The following DNAH3 variants were observed in gnomAD, a reference collection of about 807,000 sequenced individuals.
DNAH3 encodes axonemal beta dynein heavy chain 3.
Under a neutral mutation model 432.5 loss-of-function variants are expected in DNAH3, and 332 were observed. That is an observed-to-expected ratio of 0.77 (90% confidence interval 0.70 to 0.84). The LOEUF is 0.84. DNAH3 is among the 40% of genes least tolerant of loss of function. The pLI, the probability that DNAH3 is intolerant of heterozygous loss-of-function variation, is 0.00. For missense variants in DNAH3, 4,861 were observed against 5,114.0 expected, an observed-to-expected ratio of 0.95 and a Z score of 1.51; for synonymous variants, 1,956 against 1,900.2, an observed-to-expected ratio of 1.03 and a Z score of -0.76.
At chr16:20,933,132 T>C in exon 62 of DNAH3, 1 of 1,589,786 alleles carries the variant, frequency 6.3e-7, no homozygotes, top group Non-Finnish European at 8.6e-7. Context: ...GCTTTTTATT[T>C]TCTGTCTTGA....
At chr16:21,072,642 A>G (rs1466094034) in intron 21 of DNAH3, among the ~76,000 whole-genome samples, 10 of 151,036 alleles carry the variant, frequency 6.6e-5, no homozygotes, top group African/African-American at 1.2e-4. Context: ...GGCTTGTTTT[A>G]TACATTTATT....
intron 51 of DNAH3, among the ~76,000 whole-genome samples, chr16:20,971,243 T>C (rs2152638189): frequency 6.6e-6 from 1 of 152,184 alleles, no homozygotes; most frequent in East Asian, 1.9e-4. Flanking sequence ...TTTGTCTCCA[T>C]ATAAAGAAAC....
intron 61 of DNAH3, among the ~76,000 whole-genome samples, chr16:20,933,939 A>G (rs537846504): frequency 5.3e-5 from 8 of 152,352 alleles, no homozygotes; most frequent in African/African-American, 1.9e-4. Flanking sequence ...GACTTCCACC[A>G]TGGTCAATTT....
chr16:20,945,343 ACTT>A (rs1292850313), intron 57 of DNAH3, among the ~76,000 whole-genome samples: 1 of 152,170 alleles, frequency 6.6e-6, no homozygotes, highest in Non-Finnish European at 1.5e-5. Context: ...AGGAACCCTC[ACTT>A]CTTGGAATTG....
rs146155942 is a variant in DNAH3, at chr16:20,970,048, G to A, written c.8260-58C>T. 1,458 of 1,500,796 alleles carry A rather than the reference G, an allele frequency of 9.7e-4. 1 individual carries two copies. The highest frequency in any genetic ancestry group is 1.3e-3 in the Non-Finnish European group (1,361 of 1,082,386). 93.0% of individuals were successfully genotyped at this position (1,500,796 alleles called of 1,614,324 possible). A position where few individuals can be genotyped will look rare whatever the true frequency, so the allele number is the denominator to read the frequency against. ...GCCCAGGGCCTGGCACAATGGGGGC[G>A]AAGCAGAGCTCCACTCCTACATGAG... On this transcript the variant is annotated intron_variant, in intron 51 of 61. Transcript: ENST00000261383.
chr16:21,054,917 G>A (rs941611031), intron 27 of DNAH3, among the ~76,000 whole-genome samples: 1 of 151,962 alleles, frequency 6.6e-6, no homozygotes, highest in African/African-American at 2.4e-5. Flanking sequence ...GATTGTGATG[G>A]CCTACACAAA....
intron 57 of DNAH3, 74 bp from the exon 58 acceptor site, chr16:20,944,737 C>T: frequency 7.0e-7 from 1 of 1,433,316 alleles, no homozygotes. Context: ...CTTAGCAGAA[C>T]CCAATCAGAA....
chr16:21,136,508 G>GT lies in DNAH3; in HGVS notation c.701dup (p.Tyr234Ter), dbSNP rs1286686961. The change falls in exon 6 of 62, where the codon TAC becomes TAAC. Residue 234 changes from tyrosine (Y) to a stop codon, truncating the protein, a stop_gained and frameshift_variant. Transcript: ENST00000261383. LOFTEE classifies it high-confidence loss of function. The stretch of plus-strand genomic sequence containing the variant: ...GAATTCCATTGGTCAGATAGTAATA[G>GT]TATCTCTTCCATAAACAAACCACCA... The GT allele has an allele frequency of 6.2e-7, 1 of 1,613,676 alleles. No individual in the cohort carries two copies. Among genetic ancestry groups the GT allele is most frequent in the East Asian group, 2.2e-5 (1 of 44,878 alleles).
intron 24 of DNAH3, among the ~76,000 whole-genome samples, chr16:21,063,869 T>C (rs893063087): frequency 7.2e-5 from 11 of 152,172 alleles, no homozygotes; most frequent in Non-Finnish European, 1.5e-4. Flanking sequence ...TTAGAGATAA[T>C]AAGACAATTT....
intron 43 of DNAH3, among the ~76,000 whole-genome samples, chr16:20,997,764 C>T (rs1425605892): frequency 1.3e-5 from 2 of 149,548 alleles, no homozygotes; most frequent in African/African-American, 5.0e-5. Flanking sequence ...TGTGGGAGGC[C>T]GAGGCAGGCA....
In DNAH3 at chr16:21,051,794, G is replaced by A. The variant is rs371228106; in HGVS notation, c.4114C>T (p.Arg1372Cys). ...ACATCCTTGGCCACCCAGTAGTAGC[G>A]CAGCTGTGAGATCCATTGGAAATCA... Residue 1372 changes from arginine (R) to cysteine (C), a missense_variant, in exon 29 of 62, where the codon CGC becomes TGC. Arg to Cys is a radical substitution (Grantham distance 180, BLOSUM62 -3). Transcript: ENST00000261383. 43 of 1,613,880 alleles carry A rather than the reference G, an allele frequency of 2.7e-5. No homozygotes were observed. Among genetic ancestry groups the A allele is most frequent in the Admixed American group, 5.0e-5 (3 of 59,990 alleles).
intron 58 of DNAH3, 52 bp downstream of exon 58, chr16:20,944,444 T>A: frequency 6.2e-7 from 1 of 1,604,790 alleles, no homozygotes; most frequent in Non-Finnish European, 8.5e-7. Context: ...GCCCACTGGA[T>A]GAAGAACTGC....
chr16:21,051,852 G>A, exon 29 of DNAH3: 1 of 1,614,132 alleles, frequency 6.2e-7, no homozygotes, highest in East Asian at 2.2e-5. Context: ...CAGATAACTT[G>A]GCCACCACGT....
chr16:21,079,898 G>C (rs2091119376), intron 20 of DNAH3, among the ~76,000 whole-genome samples: 1 of 152,198 alleles, frequency 6.6e-6, no homozygotes, highest in African/African-American at 2.4e-5. Context: ...TCAGGAGCTG[G>C]GAAGTGCCTT....
intron 19 of DNAH3, among the ~76,000 whole-genome samples, chr16:21,085,131 C>A (rs1037299159): frequency 6.6e-6 from 1 of 151,830 alleles, no homozygotes; most frequent in Non-Finnish European, 1.5e-5. Flanking sequence ...GTAATCCCAG[C>A]ACTTTAGGAG....
intron 15 of DNAH3, chr16:21,104,577 T>C (rs1287851141): frequency 5.0e-6 from 8 of 1,600,686 alleles, no homozygotes; most frequent in Non-Finnish European, 6.9e-6. Flanking sequence ...AGAGTGCTGT[T>C]CAATTTGATG....
At chr16:21,126,541 T>C (rs1156324676) in intron 8 of DNAH3, among the ~76,000 whole-genome samples, 2 of 152,230 alleles carry the variant, frequency 1.3e-5, no homozygotes, top group African/African-American at 2.4e-5. Flanking sequence ...TGAAACCCTT[T>C]TGCCTTGAAA....
chr16:21,082,860 C>T (rs965809503), intron 19 of DNAH3, among the ~76,000 whole-genome samples: 7 of 151,020 alleles, frequency 4.6e-5, no homozygotes, highest in African/African-American at 9.7e-5. Context: ...AAATGGCTCA[C>T]GTTATATTTG....
At chr16:20,960,784 T>C (rs2084784472) in intron 53 of DNAH3, among the ~76,000 whole-genome samples, 1 of 152,208 alleles carries the variant, frequency 6.6e-6, no homozygotes, top group African/African-American at 2.4e-5. Context: ...AGCTCATAAC[T>C]GGTCTGGAGC....
Sources: gnomAD v4.1 joint callset for allele counts (sites outside exome capture counted in the v4.1 genomes callset) on GRCh38, gnomAD v4.1.1 for gene constraint, MANE v1.5 for transcripts, NCBI Gene and HGNC (gene_info 2026-07-23, HGNC 2026-07-21) for gene names.